CAB39L: variants seen among roughly 807,000 people sequenced by gnomAD.
CAB39L encodes calcium-binding protein 39-like.
A neutral mutation model predicts 39.1 loss-of-function variants in CAB39L; 23 were observed. The observed-to-expected ratio is 0.59, with a 90% CI of 0.42 to 0.83. The LOEUF (loss-of-function observed/expected upper bound fraction) is 0.83, where lower values mean the gene tolerates loss of function less well. Among genes scored for constraint, CAB39L ranks in the 40% least tolerant of loss-of-function variants. CAB39L has a pLI of 0.00. For synonymous variants in CAB39L, 126 were observed against 137.2 expected, an observed-to-expected ratio of 0.92 and a Z score of 0.57; for missense variants, 366 against 391.9, an observed-to-expected ratio of 0.93 and a Z score of 0.56.
At chr13:49,393,347 AC>A (rs1956530760) in intron 3 of CAB39L, among the ~76,000 whole-genome samples, 2 of 152,090 alleles carry the variant, frequency 1.3e-5, no homozygotes, top group African/African-American at 4.8e-5. Flanking sequence ...TTAAAAAACT[AC>A]AAAACCTTAA....
chr13:49,311,181 C>T (rs1001958350), intron 10 of CAB39L, among the ~76,000 whole-genome samples, 188 bp from the exon 11 acceptor site: 1 of 152,192 alleles, frequency 6.6e-6, no homozygotes, highest in Non-Finnish European at 1.5e-5. Context: ...CACATAACGA[C>T]ATTTCAGTCA....
At chr13:49,414,811 A>C (rs1213246820) in intron 3 of CAB39L, among the ~76,000 whole-genome samples, 2 of 152,208 alleles carry the variant, frequency 1.3e-5, no homozygotes, top group Admixed American at 6.5e-5. Context: ...TTTCTGTAAC[A>C]ATCAAATTTT....
Position 49,344,190 on chromosome 13 carries a change from T to A in CAB39L, c.613A>T (p.Asn205Tyr), listed in dbSNP as rs1403356296. 23 of 1,592,108 alleles carry A rather than the reference T, an allele frequency of 1.4e-5. No homozygotes were observed. The highest frequency in any genetic ancestry group is 1.9e-5 in the Non-Finnish European group (22 of 1,160,712). ...KVLVADFLEQ[N>Y]YDTIFEDYEK... ...TGATTTCTACTTACAGTGTCGTAAT[T>A]TTGTTCTAAGAAGTCTGCTACCAAC... The change falls in exon 8 of 11, where the codon AAT (asparagine) becomes TAT (tyrosine). Residue 205 changes from asparagine (N) to tyrosine (Y), a missense_variant. Asn to Tyr is a moderately radical substitution (Grantham distance 143). Transcript: ENST00000409308.
intron 6 of CAB39L, among the ~76,000 whole-genome samples, chr13:49,356,666 A>G (rs573238239): frequency 5.9e-5 from 9 of 152,210 alleles, no homozygotes; most frequent in Non-Finnish European, 1.0e-4. Flanking sequence ...AAATGTACCA[A>G]TCAAGTTATG....
At chr13:49,400,568 C>A (rs563497541) in intron 3 of CAB39L, among the ~76,000 whole-genome samples, 1 of 151,884 alleles carries the variant, frequency 6.6e-6, no homozygotes, top group Non-Finnish European at 1.5e-5. Flanking sequence ...TTATTCCTTA[C>A]TTAGAAACCC....
At chr13:49,361,497 A>C (rs1219721645) in intron 5 of CAB39L, among the ~76,000 whole-genome samples, 2 of 149,974 alleles carry the variant, frequency 1.3e-5, no homozygotes, top group Non-Finnish European at 3.0e-5. Context: ...AAAAAAAAAA[A>C]AAAGAGACAG....
At chr13:49,389,375 TCA>T (rs1212925021) in intron 3 of CAB39L, among the ~76,000 whole-genome samples, 3 of 152,186 alleles carry the variant, frequency 2.0e-5, no homozygotes, top group African/African-American at 7.2e-5. Flanking sequence ...GTGCGGTGGC[TCA>T]GTCCTGTAAT....
intron 10 of CAB39L, among the ~76,000 whole-genome samples, chr13:49,316,824 C>T (rs1256676215): frequency 6.6e-6 from 1 of 152,148 alleles, no homozygotes; most frequent in Non-Finnish European, 1.5e-5. Flanking sequence ...AAGATGAGGT[C>T]AATACTGGCT....
chr13:49,332,172 A>G, intron 9 of CAB39L, 82 bp from the exon 10 acceptor site: 3 of 1,499,872 alleles, frequency 2.0e-6, no homozygotes, highest in Non-Finnish European at 2.7e-6. Flanking sequence ...ACTGAAAAAC[A>G]AAATATAAAT....
chr13:49,333,735 C>T (rs1215409610), intron 9 of CAB39L, among the ~76,000 whole-genome samples: 1 of 151,860 alleles, frequency 6.6e-6, no homozygotes, highest in Non-Finnish European at 1.5e-5. Flanking sequence ...CCATGCCCGG[C>T]TAATTTTTTA....
chr13:49,341,402 G>A (rs1201109953), intron 8 of CAB39L, among the ~76,000 whole-genome samples: 2 of 151,940 alleles, frequency 1.3e-5, no homozygotes, highest in African/African-American at 4.8e-5. Flanking sequence ...ACAGGCACCC[G>A]CCACCACATC....
intron 8 of CAB39L, among the ~76,000 whole-genome samples, chr13:49,341,572 C>T (rs1198501): frequency 0.43 from 65,332 of 151,922 alleles, 14,718 homozygotes; most frequent in Middle Eastern, 0.56. Context: ...ATGAGGTTAT[C>T]AGAGGCTGGG....
At chr13:49,321,834 T>C (rs1052417445) in intron 10 of CAB39L, among the ~76,000 whole-genome samples, 3 of 152,170 alleles carry the variant, frequency 2.0e-5, no homozygotes, top group Non-Finnish European at 2.9e-5. Flanking sequence ...GACAGCTAAA[T>C]GCAAGGTGGA....
Position 49,416,086 on chromosome 13 carries a change from C to A in CAB39L, c.-32+17232G>T, listed in dbSNP as rs1322790. Among the ~76,000 whole-genome samples, 566 of 152,080 alleles carry A rather than the reference C, an allele frequency of 3.7e-3. 1 individual carries two copies. The highest frequency in any genetic ancestry group is 0.013 in the African/African-American group (543 of 41,464). On this transcript the variant is annotated intron_variant, in intron 3 of 10. Transcript: ENST00000409308. The stretch of plus-strand genomic sequence containing the variant: ...TCAACTTTACTACTGACTTTCCTAA[C>A]AAGCAAAGAGCATTTATGCTGAACC...
intron 3 of CAB39L, among the ~76,000 whole-genome samples, chr13:49,387,466 G>A (rs895563890): frequency 4.6e-5 from 7 of 152,104 alleles, no homozygotes; most frequent in African/African-American, 1.2e-4. Context: ...CATTGAAAAC[G>A]GTGTTGAGAC....
chr13:49,371,221 C>T (rs796404846), intron 5 of CAB39L, among the ~76,000 whole-genome samples: 17 of 127,830 alleles, frequency 1.3e-4, no homozygotes, highest in African/African-American at 5.2e-4. Context: ...GAGTTTCACT[C>T]TTATTGCCCA....
chr13:49,374,183 A>G (rs1396935252), intron 5 of CAB39L, among the ~76,000 whole-genome samples: 1 of 152,198 alleles, frequency 6.6e-6, no homozygotes, highest in East Asian at 1.9e-4. Context: ...TGTTCTAGGT[A>G]TGTGTCACGT....
At chr13:49,332,349 G>A (rs1488741774) in intron 9 of CAB39L, among the ~76,000 whole-genome samples, 1 of 152,112 alleles carries the variant, frequency 6.6e-6, no homozygotes, top group African/African-American at 2.4e-5. Context: ...CTAGAGCTAG[G>A]CAGAAATAAA....
At chr13:49,351,669 G>A (rs1327701984) in intron 6 of CAB39L, among the ~76,000 whole-genome samples, 1 of 152,206 alleles carries the variant, frequency 6.6e-6, no homozygotes, top group East Asian at 1.9e-4. Context: ...AACAGCAGGA[G>A]ACATATAAGA....
Sources: gnomAD v4.1 joint callset for allele counts (sites outside exome capture counted in the v4.1 genomes callset) on GRCh38, gnomAD v4.1.1 for gene constraint, MANE v1.5 for transcripts, NCBI Gene and HGNC (gene_info 2026-07-23, HGNC 2026-07-21) for gene names.